The following PTPRD variants were observed in gnomAD, a reference collection of about 807,000 sequenced individuals.
PTPRD encodes the protein protein tyrosine phosphatase receptor type D, also known as receptor-type tyrosine-protein phosphatase delta.
In PTPRD, 34 loss-of-function variants were observed where a neutral mutation model predicts 214.5. That is an observed-to-expected ratio of 0.16 (90% CI 0.12 to 0.21). The LOEUF (loss-of-function observed/expected upper bound fraction) is 0.21. Among genes scored for constraint, PTPRD ranks in the 10% least tolerant of loss-of-function variants. The probability of loss-of-function intolerance (pLI) is 1.00; values close to 1 mark genes in which losing one functional copy is unlikely to be tolerated. For missense variants in PTPRD, 2,545 were observed against 2,398.7 expected (o/e 1.06, Z -1.27); for synonymous variants, 1,128 against 845.7 (o/e 1.33, Z -5.79).
intron 18 of PTPRD, 74 bp from the exon 19 acceptor site, chr9:8,523,598 G>A (rs1224229319): frequency 6.5e-7 from 1 of 1,541,358 alleles, no homozygotes; most frequent in African/African-American, 1.4e-5. Flanking sequence ...AACACAGAGA[G>A]AGTAAAAAGG....
intron 2 of PTPRD, among the ~76,000 whole-genome samples, chr9:10,356,420 A>G (rs1406532956): frequency 6.6e-6 from 1 of 152,198 alleles, no homozygotes; most frequent in Non-Finnish European, 1.5e-5. Flanking sequence ...AATGCTGTCC[A>G]GTGATATTTG....
intron 3 of PTPRD, among the ~76,000 whole-genome samples, chr9:10,080,843 G>C (rs931305566): frequency 6.6e-6 from 1 of 152,040 alleles, no homozygotes; most frequent in Admixed American, 6.6e-5. Flanking sequence ...TAGACATACT[G>C]AGACATACAG....
At chr9:8,886,522 G>C (rs545926925) in intron 11 of PTPRD, among the ~76,000 whole-genome samples, 1 of 152,216 alleles carries the variant, frequency 6.6e-6, no homozygotes, top group African/African-American at 2.4e-5. Flanking sequence ...AGTTCTAGTT[G>C]GTTAAATGCA....
rs550679408 is a variant in PTPRD at position 10,248,040 on chromosome 9, T to C, written c.-545+92923A>G. ...TGGGAGGTGCCCTGTGCAAGCCCTC[T>C]CTCTTGCCTGCTGCCATGTGAAATG... On this transcript the variant is annotated intron_variant, in intron 3 of 45. Transcript: ENST00000381196. Among the ~76,000 whole-genome samples the C allele has an allele frequency of 2.0e-5, 3 of 152,254 alleles. No individual in the cohort carries two copies. The South Asian group carries it at 6.2e-4, about 32-fold the overall frequency.
In PTPRD at chr9:9,524,289, C is replaced by G. The variant is rs1256019908; in HGVS notation, c.-237+50443G>C. Among the ~76,000 whole-genome samples, 30 of 152,230 alleles carry G rather than the reference C, an allele frequency of 2.0e-4. No individual in the cohort carries two copies. In the East Asian group the frequency reaches 5.8e-3, roughly 29 times the overall value. On this transcript the variant is annotated intron_variant, in intron 8 of 45. Coordinates refer to ENST00000381196, the MANE Select transcript of PTPRD (RefSeq NM_002839.4). ...TCCTTTCCTCTTTCCCTTCCTTCCT[C>G]CCTCTCCAGTCTCTCTCTTTCTTTT...
In PTPRD at chr9:9,845,798, C is replaced by A. The variant is rs187305241; in HGVS notation, c.-367-78947G>T. On this transcript the variant is annotated intron_variant, in intron 5 of 45. Transcript: ENST00000381196. ...TAAATCATAATGTTAATTTTATGGA[C>A]TCAGTATGCAAACCTGGCAATAGCT... Among the ~76,000 whole-genome samples the A allele has an allele frequency of 5.3e-5, 8 of 152,156 alleles. No homozygotes were observed. In the East Asian group the frequency reaches 1.6e-3, roughly 29 times the overall value.
chr9:8,540,613 T>G (rs760329122), intron 14 of PTPRD, among the ~76,000 whole-genome samples: 1 of 152,188 alleles, frequency 6.6e-6, no homozygotes. Flanking sequence ...GGATCTTCCT[T>G]CCAATTAAAA....
intron 3 of PTPRD, among the ~76,000 whole-genome samples, chr9:10,101,661 C>A (rs917651735): frequency 6.6e-5 from 10 of 151,636 alleles, no homozygotes; most frequent in Non-Finnish European, 1.2e-4. Flanking sequence ...TATTACTACA[C>A]CTATACGGTA....
intron 9 of PTPRD, among the ~76,000 whole-genome samples, chr9:9,228,060 T>G (rs2099960676): frequency 6.6e-6 from 1 of 152,170 alleles, no homozygotes; most frequent in South Asian, 2.1e-4. Flanking sequence ...TTGGTCATGT[T>G]AGCTGAAATT....
intron 7 of PTPRD, among the ~76,000 whole-genome samples, chr9:9,660,238 C>T (rs1398191303): frequency 1.3e-5 from 2 of 151,904 alleles, no homozygotes; most frequent in Non-Finnish European, 2.9e-5. Flanking sequence ...TAGGTGACAT[C>T]GGAAGCCTTT....
At chr9:8,821,335 GCACT>G (rs1566354119) in intron 11 of PTPRD, among the ~76,000 whole-genome samples, 1 of 151,974 alleles carries the variant, frequency 6.6e-6, no homozygotes, top group Non-Finnish European at 1.5e-5. Context: ...TCTTCAGAAG[GCACT>G]CACTCCTGGA....
chr9:10,125,014 C>T (rs1048307153), intron 3 of PTPRD, among the ~76,000 whole-genome samples: 5 of 152,142 alleles, frequency 3.3e-5, no homozygotes, highest in Non-Finnish European at 4.4e-5. Flanking sequence ...AGTAAAAATA[C>T]ATCAAAGCAA....
intron 39 of PTPRD, among the ~76,000 whole-genome samples, chr9:8,364,397 C>T (rs1177901261): frequency 6.6e-6 from 1 of 152,234 alleles, no homozygotes; most frequent in African/African-American, 2.4e-5. Flanking sequence ...ATTTCTTTCT[C>T]TCTTTGCTTC....
At chr9:8,718,198 T>C (rs1375637134) in intron 12 of PTPRD, among the ~76,000 whole-genome samples, 1 of 152,200 alleles carries the variant, frequency 6.6e-6, no homozygotes, top group Non-Finnish European at 1.5e-5. Context: ...AAAGCTTTCT[T>C]CAGGCTAGAA....
At chr9:10,466,211 T>C (rs901785390) in intron 2 of PTPRD, among the ~76,000 whole-genome samples, 17 of 152,206 alleles carry the variant, frequency 1.1e-4, no homozygotes, top group Admixed American at 9.2e-4. Context: ...ATGAGAAAAC[T>C]GATGCTCAGG....
Position 9,770,319 on chromosome 9 carries a change from T to C in PTPRD, c.-367-3468A>G, listed in dbSNP as rs192888052. On this transcript the variant is annotated intron_variant, in intron 5 of 45. Transcript: ENST00000381196. ...TGCCATTCTTACAGCGTGAGAGAAA[T>C]TTTATATTACATCACAATTTAACAA... Among the ~76,000 whole-genome samples, 618 of 152,272 alleles carry C rather than the reference T, an allele frequency of 4.1e-3. 4 individuals carry two copies. Among genetic ancestry groups the C allele is most frequent in the African/African-American group, 0.014 (591 of 41,564 alleles).
intron 9 of PTPRD, among the ~76,000 whole-genome samples, chr9:9,330,718 A>C (rs2136516418): frequency 6.6e-6 from 1 of 152,042 alleles, no homozygotes; most frequent in African/African-American, 2.4e-5. Flanking sequence ...CTCATATATA[A>C]TATTGATTTG....
intron 3 of PTPRD, among the ~76,000 whole-genome samples, chr9:10,187,684 A>C (rs1215659347): frequency 6.6e-6 from 1 of 152,206 alleles, no homozygotes; most frequent in Non-Finnish European, 1.5e-5. Flanking sequence ...GGGGGGCGGA[A>C]CCAGGTGCAA....
intron 9 of PTPRD, among the ~76,000 whole-genome samples, chr9:9,390,891 A>T (rs1489905325): frequency 6.6e-6 from 1 of 152,196 alleles, no homozygotes; most frequent in Non-Finnish European, 1.5e-5. Context: ...TGACCTGGCA[A>T]ATAGTAATCA....
Sources: gnomAD v4.1 joint callset for allele counts (sites outside exome capture counted in the v4.1 genomes callset) on GRCh38, gnomAD v4.1.1 for gene constraint, MANE v1.5 for transcripts, NCBI Gene and HGNC (gene_info 2026-07-23, HGNC 2026-07-21) for gene names.